CTNNA2: variants seen among roughly 807,000 people sequenced by gnomAD.
CTNNA2 encodes catenin alpha 2.
Under a neutral mutation model 101.0 loss-of-function variants are expected in CTNNA2, and 42 were observed. The ratio of observed to expected loss-of-function variants is 0.42; its 90% CI spans 0.32 to 0.54. The LOEUF (loss-of-function observed/expected upper bound fraction) is 0.54. Among genes scored for constraint, CTNNA2 ranks in the 20% least tolerant of loss-of-function variants. The probability of loss-of-function intolerance (pLI) is 0.14; values close to 1 mark genes in which losing one functional copy is unlikely to be tolerated. For missense variants in CTNNA2, 871 were observed against 1,223.1 expected (o/e 0.71, Z 4.29); for synonymous variants, 450 against 456.4 (o/e 0.99, Z 0.18).
chr2:80,543,377 C>T (rs138721723), intron 9 of CTNNA2, among the ~76,000 whole-genome samples: 32 of 152,236 alleles, frequency 2.1e-4, no homozygotes, highest in African/African-American at 7.0e-4. Flanking sequence ...TCTTTTCACA[C>T]TTATTTTGAA....
rs147531551 is a variant in CTNNA2, at chr2:79,554,803, A to G, written c.-6+41596A>G. ...TATTTCATAAATGAGGAGAATGGTGATACTTCCATGGTCATAGTTTTCTTA... is the reference window on the plus strand; with the variant it reads ...TATTTCATAAATGAGGAGAATGGTGGTACTTCCATGGTCATAGTTTTCTTA... On this transcript the variant is annotated intron_variant, in intron 1 of 18. Coordinates refer to ENST00000402739, the MANE Select transcript of CTNNA2 (RefSeq NM_001282597.3). 1.2e-4 allele frequency among the ~76,000 whole-genome samples: 18 copies of G among 152,296 alleles called. 1 individual carries two copies. In the East Asian group the frequency reaches 3.5e-3, roughly 29 times the overall value.
intron 4 of CTNNA2, among the ~76,000 whole-genome samples, chr2:79,470,184 C>T (rs1459249634): frequency 6.6e-6 from 1 of 152,052 alleles, no homozygotes; most frequent in East Asian, 1.9e-4. Flanking sequence ...TTTAGGAGGC[C>T]AGTGATATCA....
At chr2:80,045,835 T>G (rs1265358762) in intron 7 of CTNNA2, among the ~76,000 whole-genome samples, 1 of 152,136 alleles carries the variant, frequency 6.6e-6, no homozygotes, top group African/African-American at 2.4e-5. Context: ...TTGTCAATCT[T>G]TGGGAAACAA....
chr2:79,215,633 A>C (rs971161099), intron 2 of CTNNA2, among the ~76,000 whole-genome samples: 1 of 152,098 alleles, frequency 6.6e-6, no homozygotes, highest in African/African-American at 2.4e-5. Context: ...CGAGTCATGT[A>C]CTGGGCTGGG....
intron 1 of CTNNA2, chr2:79,185,499 G>A (rs1170917316): frequency 6.6e-6 from 1 of 151,994 alleles, no homozygotes; most frequent in Non-Finnish European, 1.5e-5. Flanking sequence ...CATGTATCTT[G>A]GGACATTAGA....
chr2:80,360,838 G>C (rs188089793), intron 7 of CTNNA2, among the ~76,000 whole-genome samples: 222 of 152,164 alleles, frequency 1.5e-3, no homozygotes, highest in Admixed American at 0.014. Flanking sequence ...GCAGAACCTG[G>C]AGTTTGTCGC....
chr2:79,830,887 A>G (rs1678877297), intron 3 of CTNNA2, among the ~76,000 whole-genome samples: 1 of 152,224 alleles, frequency 6.6e-6, no homozygotes, highest in Admixed American at 6.5e-5. Flanking sequence ...AGTGCCTGCC[A>G]GAAAACTAAG....
chr2:79,200,434 A>C (rs919820215), intron 2 of CTNNA2, among the ~76,000 whole-genome samples: 3 of 152,146 alleles, frequency 2.0e-5, no homozygotes, highest in African/African-American at 7.2e-5. Flanking sequence ...ATACAAAAGC[A>C]AGCAACTTAA....
chr2:80,604,198 G>GT lies in CTNNA2; in HGVS notation c.2295+20dup. The stretch of plus-strand genomic sequence containing the variant: ...TGATCAGGTAATAGAAGAGGGAAGG[G>GT]TGGGCACATGCTGAGTGGAGTCACT... On this transcript the variant is annotated intron_variant, in intron 16 of 18. Coordinates refer to ENST00000402739, the MANE Select transcript of CTNNA2 (RefSeq NM_001282597.3). The GT allele has an allele frequency of 6.3e-7, 1 of 1,597,458 alleles. No homozygotes were observed. Among genetic ancestry groups the GT allele is most frequent in the South Asian group, 1.1e-5 (1 of 90,770 alleles).
intron 7 of CTNNA2, among the ~76,000 whole-genome samples, chr2:80,058,741 T>C (rs906956725): frequency 6.6e-5 from 10 of 152,012 alleles, no homozygotes; most frequent in Admixed American, 6.5e-4. Flanking sequence ...ACTCTTTCAT[T>C]GCGCAAATGC....
Position 79,401,591 on chromosome 2 carries a change from G to A in CTNNA2, c.-135+27578G>A, listed in dbSNP as rs553004176. ...TTATAAACCCTAGGGAAATCACTAA[G>A]AAACAGTTCAAGAACAAATGTTAAA... On this transcript the variant is annotated intron_variant, in intron 4 of 21. Coordinates refer to the CTNNA2 transcript ENST00000466387. 3.3e-5 allele frequency among the ~76,000 whole-genome samples: 5 copies of A among 151,268 alleles called. No individual in the cohort carries two copies. In the South Asian group the frequency reaches 8.3e-4, roughly 25 times the overall value.
chr2:79,411,131 G>A (rs1393983093), intron 4 of CTNNA2, among the ~76,000 whole-genome samples: 1 of 151,978 alleles, frequency 6.6e-6, no homozygotes, highest in African/African-American at 2.4e-5. Context: ...GTATTTCTGT[G>A]GGATCGGTGG....
At chr2:80,012,119 C>T (rs954637692) in intron 7 of CTNNA2, among the ~76,000 whole-genome samples, 4 of 152,172 alleles carry the variant, frequency 2.6e-5, no homozygotes, top group Non-Finnish European at 5.9e-5. Flanking sequence ...TTTGTAACCT[C>T]TCTAAAGGCA....
intron 15 of CTNNA2, among the ~76,000 whole-genome samples, chr2:80,591,455 C>CTTTTTTTTTTTTTTTTTTTT (rs1553401282): frequency 3.5e-5 from 2 of 57,582 alleles, no homozygotes; most frequent in Non-Finnish European, 4.0e-5. Flanking sequence ...TCTGCACAGC[C>CTTTTTTTTTTTTTTTTTTTT]TGTTTTTTTT....
intron 1 of CTNNA2, among the ~76,000 whole-genome samples, chr2:79,599,971 T>C (rs1244912431): frequency 7.2e-5 from 11 of 152,126 alleles, no homozygotes; most frequent in Admixed American, 6.5e-4. Context: ...AACAGAGAGA[T>C]TGCAGAAACA....
intron 9 of CTNNA2, among the ~76,000 whole-genome samples, chr2:80,454,326 G>A (rs995447374): frequency 6.6e-6 from 1 of 152,124 alleles, no homozygotes; most frequent in South Asian, 2.1e-4. Context: ...TGCTGTTATG[G>A]AAGGTCCCTG....
chr2:79,434,295 CA>C (rs367927495), intron 4 of CTNNA2, among the ~76,000 whole-genome samples: 7,595 of 95,320 alleles, frequency 0.08, 224 homozygotes, highest in African/African-American at 0.18. Flanking sequence ...GAGACTCTGT[CA>C]AAAAAAAAAA....
At chr2:79,477,853 A>G (rs1671067401) in intron 4 of CTNNA2, among the ~76,000 whole-genome samples, 2 of 152,252 alleles carry the variant, frequency 1.3e-5, no homozygotes, top group African/African-American at 2.4e-5. Context: ...GGATGCAATC[A>G]CAAGGTATTT....
intron 7 of CTNNA2, among the ~76,000 whole-genome samples, chr2:80,278,871 G>A (rs1674131093): frequency 6.6e-6 from 1 of 152,024 alleles, no homozygotes; most frequent in African/African-American, 2.4e-5. Context: ...GGAAAGCTGA[G>A]GCAGGAGGAT....
Sources: allele counts gnomAD v4.1 joint callset (sites outside exome capture counted in the v4.1 genomes callset), GRCh38; gene constraint gnomAD v4.1.1; transcripts MANE v1.5; gene names NCBI Gene and HGNC (gene_info 2026-07-23, HGNC 2026-07-21).